Variants in KIF27 observed in about 807,000 individuals in gnomAD.
The protein encoded by KIF27 is kinesin family member 27.
A neutral mutation model predicts 141.8 loss-of-function variants in KIF27; 84 were observed. The ratio of observed to expected loss-of-function variants is 0.59; its 90% CI spans 0.50 to 0.71. The LOEUF (loss-of-function observed/expected upper bound fraction) is 0.71, where lower values mean the gene tolerates loss of function less well. Ranked by LOEUF, KIF27 falls within the 30% of genes least tolerant of loss-of-function variation. KIF27 has a pLI of 0.00. For missense variants in KIF27, 1,306 were observed against 1,628.4 expected, an observed-to-expected ratio of 0.80 and a Z score of 3.41; for synonymous variants, 471 against 569.5, an observed-to-expected ratio of 0.83 and a Z score of 2.46.
At chr9:83,852,701 T>G (rs543664123) in intron 15 of KIF27, among the ~76,000 whole-genome samples, 16 of 152,254 alleles carry the variant, frequency 1.1e-4, no homozygotes, top group African/African-American at 3.9e-4. Context: ...TGATCATAGC[T>G]CACTACAAAC....
intron 15 of KIF27, among the ~76,000 whole-genome samples, chr9:83,850,844 T>C (rs1199468480): frequency 3.3e-5 from 4 of 121,644 alleles, no homozygotes; most frequent in East Asian, 4.9e-4. Flanking sequence ...TTTTTTTTTT[T>C]TTTTTTTTTT....
At chr9:83,850,696 T>C (rs1235942806) in intron 15 of KIF27, among the ~76,000 whole-genome samples, 8 of 150,978 alleles carry the variant, frequency 5.3e-5, no homozygotes, top group Non-Finnish European at 1.2e-4. Context: ...AGCAGGAGAA[T>C]GGCTTGAACC....
intron 15 of KIF27, 104 bp from the exon 16 acceptor site, chr9:83,850,401 G>C: frequency 1.4e-6 from 1 of 702,330 alleles, no homozygotes; most frequent in Non-Finnish European, 2.4e-6. Flanking sequence ...AATCTCCATA[G>C]TGTAAATGAT....
chr9:83,877,732 G>C (rs1273783259), intron 11 of KIF27, among the ~76,000 whole-genome samples: 1 of 151,852 alleles, frequency 6.6e-6, no homozygotes, highest in Non-Finnish European at 1.5e-5. Context: ...CTACAGAATA[G>C]GAAAAAATAT....
At chr9:83,857,591 C>A (rs1265044557) in intron 14 of KIF27, among the ~76,000 whole-genome samples, 2 of 152,166 alleles carry the variant, frequency 1.3e-5, no homozygotes, top group African/African-American at 2.4e-5. Context: ...GTTATGGGAT[C>A]CCACATGAAA....
intron 8 of KIF27, among the ~76,000 whole-genome samples, chr9:83,888,136 G>A (rs1193186392): frequency 2.4e-5 from 3 of 126,912 alleles, no homozygotes; most frequent in Non-Finnish European, 4.9e-5. Context: ...TTGATGTTAG[G>A]CACAAGTCCC....
Position 83,834,882 on chromosome 9 carries a change from A to G in KIF27, c.*2119T>C, listed in dbSNP as rs886394615. Among the ~76,000 whole-genome samples, 3 of 147,650 alleles carry G rather than the reference A, an allele frequency of 2.0e-5. No homozygotes were observed. Among genetic ancestry groups the G allele is most frequent in the African/African-American group, 7.6e-5 (3 of 39,450 alleles). On this transcript the variant is annotated 3_prime_UTR_variant, in exon 18 of 18. Transcript: ENST00000297814. ...GATATGAAATAATATAAAGTGAAAT[A>G]ATGTAAAATGTATAACCTATATCTA... is the stretch of plus-strand genomic sequence containing the variant.
Position 83,915,660 on chromosome 9 carries a change from T to A in KIF27, c.-69A>T. 1 of 1,355,116 alleles carries A rather than the reference T, an allele frequency of 7.4e-7. No individual in the cohort carries two copies. Among genetic ancestry groups the A allele is most frequent in the South Asian group, 1.5e-5 (1 of 68,148 alleles). 83.9% of individuals were successfully genotyped at this position (1,355,116 alleles called of 1,614,324 possible). ...GTATCTAGTGTGAGAGACTTCCATC[T>A]TATGTAAGATCTGGATTCCTGTGCA... On this transcript the variant is annotated 5_prime_UTR_variant, in exon 2 of 18. In the 5' UTR this introduces an upstream ATG that the reference lacks. Transcript: ENST00000297814.
rs775221357 is a variant in KIF27 at position 83,870,610 on chromosome 9, T to C, written c.2666A>G (p.Gln889Arg). 6.8e-6 allele frequency: 11 copies of C among 1,613,820 alleles called. No homozygotes were observed. The East Asian group carries it at 2.0e-4, about 29-fold the overall frequency. ...KIKEIQLKTGQEEGLKPKAED... is the reference protein window; with the variant it reads ...KIKEIQLKTGREEGLKPKAED... ...AGCTTTCGGTTTTAGACCTTCTTCC[T>C]GTCCTGTTTTTAATTGTATTTCCTA... is the stretch of plus-strand genomic sequence containing the variant. Residue 889 changes from glutamine (Q) to arginine (R), a missense_variant, in exon 12 of 18, where the codon CAG (glutamine) becomes CGG (arginine). Around this residue, in one of 4 missense-constraint regions of KIF27, gnomAD observed 596 missense variants for 751.6 expected, o/e 0.79. Transcript: ENST00000297814.
At chr9:83,895,251 G>A (rs1418727719) in intron 5 of KIF27, among the ~76,000 whole-genome samples, 1 of 144,498 alleles carries the variant, frequency 6.9e-6, no homozygotes, top group African/African-American at 2.6e-5. Flanking sequence ...GACACAGTGA[G>A]ACTCTGCCTC....
At chr9:83,876,950 C>CGTCT (rs1401870361) in intron 11 of KIF27, among the ~76,000 whole-genome samples, 3 of 152,064 alleles carry the variant, frequency 2.0e-5, no homozygotes, top group Non-Finnish European at 4.4e-5. Context: ...TGGTGGTGTG[C>CGTCT]GTCTGTAGTC....
intron 11 of KIF27, among the ~76,000 whole-genome samples, chr9:83,877,690 A>G (rs1951314057): frequency 6.6e-6 from 1 of 152,216 alleles, no homozygotes; most frequent in East Asian, 1.9e-4. Flanking sequence ...ATTTTTGCAT[A>G]TCAAAGGATA....
chr9:83,860,425 G>A (rs1038454689), intron 13 of KIF27, among the ~76,000 whole-genome samples: 9 of 152,204 alleles, frequency 5.9e-5, no homozygotes, highest in Middle Eastern at 3.4e-3. Flanking sequence ...TAGCACTCTT[G>A]TACCTACTCT....
At chr9:83,853,950 G>C (rs1017058561) in intron 14 of KIF27, 115 bp from the exon 15 acceptor site, 11 of 768,582 alleles carry the variant, frequency 1.4e-5, no homozygotes, top group Admixed American at 5.3e-5. Context: ...TCTTGTACTA[G>C]ATTTTAAGAA....
At chr9:83,846,433 C>A (rs533072865) in intron 16 of KIF27, among the ~76,000 whole-genome samples, 79 of 152,300 alleles carry the variant, frequency 5.2e-4, no homozygotes, top group African/African-American at 1.7e-3. Flanking sequence ...TGGGCTCATG[C>A]TCATGGGATT....
At chr9:83,880,520 ATG>A in intron 10 of KIF27, 26 bp from the exon 11 acceptor site, 1 of 1,542,268 alleles carries the variant, frequency 6.5e-7, no homozygotes, top group Admixed American at 1.8e-5. Context: ...ATATTTCAAA[ATG>A]AAAAACTGAA....
intron 13 of KIF27, among the ~76,000 whole-genome samples, chr9:83,864,469 T>C (rs1195218853): frequency 1.3e-5 from 2 of 152,238 alleles, no homozygotes; most frequent in African/African-American, 4.8e-5. Context: ...TCAGTTTCCA[T>C]GTAGTTGAGC....
chr9:83,881,211 A>G (rs956746378), intron 10 of KIF27, among the ~76,000 whole-genome samples: 2 of 152,138 alleles, frequency 1.3e-5, no homozygotes, highest in African/African-American at 2.4e-5. Context: ...TACAGATAGC[A>G]TTAGACTTTC....
intron 1 of KIF27, among the ~76,000 whole-genome samples, chr9:83,916,318 C>T (rs1955678597): frequency 6.6e-6 from 1 of 152,206 alleles, no homozygotes; most frequent in African/African-American, 2.4e-5. Context: ...AGGCGTGAGC[C>T]ACCGTGCCCA....
Sources: allele counts gnomAD v4.1 joint callset (sites outside exome capture counted in the v4.1 genomes callset), GRCh38; gene constraint gnomAD v4.1.1; regional missense constraint gnomAD v4.1.1; transcripts MANE v1.5; gene names NCBI Gene and HGNC (gene_info 2026-07-23, HGNC 2026-07-21).